The following HDAC4 variants were observed in gnomAD, a reference collection of about 807,000 sequenced individuals.
HDAC4 encodes the protein histone deacetylase A.
In HDAC4, 16 loss-of-function variants were observed where a neutral mutation model predicts 135.1. The observed-to-expected ratio is 0.12, with a 90% CI of 0.08 to 0.18. The LOEUF (loss-of-function observed/expected upper bound fraction) is 0.18. Among genes scored for constraint, HDAC4 ranks in the 10% least tolerant of loss-of-function variants. The pLI, the probability that HDAC4 is intolerant of heterozygous loss-of-function variation, is 1.00. For synonymous variants in HDAC4, 685 were observed against 653.4 expected, an observed-to-expected ratio of 1.05 and a Z score of -0.74; for missense variants, 1,143 against 1,511.8, an observed-to-expected ratio of 0.76 and a Z score of 4.05.
At chr2:239,057,896 TAATG>T (rs2032119992) in intron 24 of HDAC4, among the ~76,000 whole-genome samples, 1 of 152,106 alleles carries the variant, frequency 6.6e-6, no homozygotes, top group Admixed American at 6.5e-5. Context: ...AGAGCAATAA[TAATG>T]GTGTCTTATC....
In HDAC4 at chr2:239,245,146, A is replaced by T. The variant is rs1374857806; in HGVS notation, c.23-8482T>A. Among the ~76,000 whole-genome samples the T allele has an allele frequency of 6.6e-6, 1 of 152,358 alleles. No homozygotes were observed. Among genetic ancestry groups the T allele is most frequent in the African/African-American group, 2.4e-5 (1 of 41,594 alleles). On this transcript the variant is annotated intron_variant, in intron 2 of 26. Transcript: ENST00000543185. This position sits in a 1 kb window ranked among gnomAD's most constrained non-coding sequence, Gnocchi z 4.4. The stretch of plus-strand genomic sequence containing the variant: ...TTTCCCTAAGCAATATTTTTCCTTC[A>T]GGGTAATCAGGCAGTCTTAAAATGT...
Position 239,176,447 on chromosome 2 carries a change from C to T in HDAC4, c.456G>A (p.Leu152=), listed in dbSNP as rs1292238209. 1.9e-5 allele frequency: 31 copies of T among 1,613,168 alleles called. No individual in the cohort carries two copies. The highest frequency in any genetic ancestry group is 2.6e-5 in the Non-Finnish European group (31 of 1,179,790). ...CCTTCTCCTTGTTCTTGAGCTGCTG[C>T]AGCTTCTGCTCCCGGTGCTGCTTCT... ...ELEKQHREQK[L]QQLKNKEKGK... is the part of the protein sequence containing the mutation. The change falls in exon 5 of 27, where the codon CTG becomes CTA. Residue 152 remains leucine (L), a synonymous_variant. Transcript: ENST00000543185.
In HDAC4 at chr2:239,176,506, T is replaced by A; in HGVS notation, c.397A>T (p.Lys133Ter). 1 of 1,613,452 alleles carries A rather than the reference T, an allele frequency of 6.2e-7. No individual in the cohort carries two copies. The highest frequency in any genetic ancestry group is 8.5e-7 in the Non-Finnish European group (1 of 1,179,826). Reference sequence around the variant, plus strand: ...TGCTCCTGGCGGTGCCTCTCCAGCTTCCGCTGGTGTTCCAGCAGCTCCTGC... The same window carrying A: ...TGCTCCTGGCGGTGCCTCTCCAGCTACCGCTGGTGTTCCAGCAGCTCCTGC... ...HQQELLEHQR[K>*]LERHRQEQEL... is the part of the protein sequence containing the mutation. Residue 133 changes from lysine to a stop codon, truncating the protein, a stop_gained, in exon 5 of 27, where the codon AAG (lysine) becomes TAG (stop). Transcript: ENST00000543185. LOFTEE classifies it high-confidence loss of function.
chr2:239,221,970 G>A (rs1412742919), intron 3 of HDAC4, among the ~76,000 whole-genome samples: 1 of 152,166 alleles, frequency 6.6e-6, no homozygotes, highest in African/African-American at 2.4e-5. Flanking sequence ...ACTCAAAAAC[G>A]TATTCCAAAT....
At chr2:239,101,375 CGAGT>C (rs1360938529) in intron 16 of HDAC4, among the ~76,000 whole-genome samples, 4 of 152,264 alleles carry the variant, frequency 2.6e-5, no homozygotes, top group South Asian at 2.1e-4. Flanking sequence ...AAGGCGTGAG[CGAGT>C]GAGTGAGTGA....
At chr2:239,248,060 C>T (rs943773519) in intron 2 of HDAC4, among the ~76,000 whole-genome samples, 29 of 152,204 alleles carry the variant, frequency 1.9e-4, no homozygotes, top group Admixed American at 1.5e-3. Context: ...ATGTTCTGTG[C>T]GAGTCAGGCT....
Position 239,230,713 on chromosome 2 carries a change from C to T in HDAC4, c.94+5880G>A, listed in dbSNP as rs561307284. ...GATGAAAACTCACAAAGGGGCACCACGCAGGAATATTACAACCAAGGACTT... is the reference window on the plus strand; with the variant it reads ...GATGAAAACTCACAAAGGGGCACCATGCAGGAATATTACAACCAAGGACTT... On this transcript the variant is annotated intron_variant, in intron 3 of 26. Transcript: ENST00000543185. Among the ~76,000 whole-genome samples, 8 of 152,332 alleles carry T rather than the reference C, an allele frequency of 5.3e-5. No homozygotes were observed. The South Asian group carries it at 1.4e-3, about 28-fold the overall frequency.
At chr2:239,066,630 C>CTT in intron 24 of HDAC4, 92 bp downstream of exon 24, 10 of 1,585,148 alleles carry the variant, frequency 6.3e-6, no homozygotes, top group Non-Finnish European at 8.6e-6. Context: ...GACCCACTGG[C>CTT]TTTTTCATGC....
At chr2:239,125,336 C>T (rs2040105314) in intron 12 of HDAC4, among the ~76,000 whole-genome samples, 1 of 152,168 alleles carries the variant, frequency 6.6e-6, no homozygotes, top group South Asian at 2.1e-4. Flanking sequence ...CCTGCTCTTG[C>T]CAAGTGATGT....
chr2:239,328,140 G>T (rs1188893298), intron 2 of HDAC4, among the ~76,000 whole-genome samples: 1 of 152,210 alleles, frequency 6.6e-6, no homozygotes, highest in Non-Finnish European at 1.5e-5. Context: ...CCAAATGCCT[G>T]AATCAGCCCT....
At chr2:239,260,716 CT>C (rs1192322451) in intron 2 of HDAC4, among the ~76,000 whole-genome samples, 2 of 152,218 alleles carry the variant, frequency 1.3e-5, no homozygotes, top group Non-Finnish European at 2.9e-5. Context: ...TGAGGTCCCC[CT>C]GCTGCAGTGT....
intron 2 of HDAC4, among the ~76,000 whole-genome samples, chr2:239,278,171 C>CCACAGA (rs10674168): frequency 0.29 from 44,289 of 150,326 alleles, 6,989 homozygotes; most frequent in African/African-American, 0.41. Flanking sequence ...AATTATCCCA[C>CCACAGA]CATTAGAGAA....
intron 1 of HDAC4, among the ~76,000 whole-genome samples, chr2:239,367,665 C>T (rs942750854): frequency 6.6e-6 from 1 of 152,156 alleles, no homozygotes; most frequent in Non-Finnish European, 1.5e-5. Context: ...ATTACCTTCA[C>T]ATTATATGTA....
intron 24 of HDAC4, among the ~76,000 whole-genome samples, chr2:239,064,351 G>A (rs987741989): frequency 6.6e-6 from 1 of 152,236 alleles, no homozygotes; most frequent in African/African-American, 2.4e-5. Context: ...GGGCGGGGGA[G>A]GGGCCCGGAG....
At chr2:239,384,658 A>G (rs1054824001) in intron 1 of HDAC4, among the ~76,000 whole-genome samples, 3 of 152,086 alleles carry the variant, frequency 2.0e-5, no homozygotes, top group Admixed American at 1.3e-4. Context: ...AGAGAAGGGA[A>G]AACTGCCCTG....
At chr2:239,282,767 C>A (rs2050878227) in intron 2 of HDAC4, among the ~76,000 whole-genome samples, 1 of 151,084 alleles carries the variant, frequency 6.6e-6, no homozygotes, top group Admixed American at 6.6e-5. Flanking sequence ...GTACACACCA[C>A]TCTACAATGT....
At chr2:239,380,084 G>A (rs909624409) in intron 1 of HDAC4, among the ~76,000 whole-genome samples, 2 of 152,252 alleles carry the variant, frequency 1.3e-5, no homozygotes, top group African/African-American at 4.8e-5. Flanking sequence ...GGGGTCGGGG[G>A]CGCGGCGTGG....
At chr2:239,217,181 G>C (rs1392944137) in intron 3 of HDAC4, among the ~76,000 whole-genome samples, 1 of 152,184 alleles carries the variant, frequency 6.6e-6, no homozygotes, top group Non-Finnish European at 1.5e-5. Context: ...CCTGAACACA[G>C]CACAGGCGGT....
chr2:239,357,453 G>GAAA (rs58332998), intron 1 of HDAC4, among the ~76,000 whole-genome samples: 2 of 145,134 alleles, frequency 1.4e-5, no homozygotes, highest in Non-Finnish European at 3.0e-5. Context: ...CTCAAAATAA[G>GAAA]AAAAAAAAAA....
Sources: allele counts gnomAD v4.1 joint callset (sites outside exome capture counted in the v4.1 genomes callset), GRCh38; gene constraint gnomAD v4.1.1; non-coding constraint Gnocchi (gnomAD v3.1); transcripts MANE v1.5; gene names NCBI Gene and HGNC (gene_info 2026-07-23, HGNC 2026-07-21).